TRIM37: variants seen among roughly 807,000 people sequenced by gnomAD.
TRIM37 encodes E3 ubiquitin-protein ligase TRIM37.
A neutral mutation model predicts 129.8 loss-of-function variants in TRIM37; 80 were observed. The ratio of observed to expected loss-of-function variants is 0.62; its 90% CI spans 0.51 to 0.74. TRIM37 has a LOEUF of 0.74. Among genes scored for constraint, TRIM37 ranks in the 30% least tolerant of loss-of-function variants. The probability of loss-of-function intolerance (pLI) is 0.00; values close to 1 mark genes in which losing one functional copy is unlikely to be tolerated. For missense variants in TRIM37, 1,054 were observed against 1,176.5 expected (o/e 0.90, Z 1.52); for synonymous variants, 389 against 387.1 (o/e 1.00, Z -0.06).
chr17:59,000,674 CTTGT>C (rs1167907609), intron 23 of TRIM37, among the ~76,000 whole-genome samples: 1 of 152,118 alleles, frequency 6.6e-6, no homozygotes, highest in Admixed American at 6.5e-5. Flanking sequence ...GTAGGTTTCT[CTTGT>C]TTTTTTCCTA....
intron 22 of TRIM37, among the ~76,000 whole-genome samples, chr17:59,004,460 A>C (rs2034206458): frequency 6.6e-6 from 1 of 152,084 alleles, no homozygotes; most frequent in African/African-American, 2.4e-5. Context: ...TAAAAAACAT[A>C]ATAAAATCAG....
chr17:59,038,565 C>A (rs1599067127), intron 17 of TRIM37, among the ~76,000 whole-genome samples: 1 of 152,246 alleles, frequency 6.6e-6, no homozygotes, highest in Non-Finnish European at 1.5e-5. Flanking sequence ...TAAAACTGTA[C>A]ACAGCTCAAG....
intron 17 of TRIM37, among the ~76,000 whole-genome samples, chr17:59,036,342 T>C (rs1245382382): frequency 6.6e-6 from 1 of 152,166 alleles, no homozygotes; most frequent in Admixed American, 6.5e-5. Context: ...AGACAATTTA[T>C]GTTAAAAAAA....
chr17:59,049,991 A>G (rs938252840), intron 14 of TRIM37, among the ~76,000 whole-genome samples: 2 of 152,210 alleles, frequency 1.3e-5, no homozygotes, highest in African/African-American at 4.8e-5. Flanking sequence ...AATCTCTGAA[A>G]GCATGTATTT....
intron 3 of TRIM37, 35 bp from the exon 4 acceptor site, chr17:59,088,442 G>A (rs1227024933): frequency 6.0e-6 from 7 of 1,161,760 alleles, no homozygotes; most frequent in Admixed American, 5.1e-5. Context: ...CACTAATTCA[G>A]GAATTTGAGA....
the TRIM37 span, among the ~76,000 whole-genome samples, chr17:58,968,667 A>G: frequency 6.6e-6 from 1 of 152,240 alleles, no homozygotes; most frequent in Non-Finnish European, 1.5e-5. Context: ...CTCAGGACTC[A>G]GTGCGAGTTC....
In TRIM37 at chr17:59,082,948, T is replaced by G. The variant is rs529837853; in HGVS notation, c.369+1054A>C. Among the ~76,000 whole-genome samples the G allele has an allele frequency of 1.1e-4, 17 of 152,288 alleles. No individual in the cohort carries two copies. In the South Asian group the frequency reaches 2.7e-3, roughly 24 times the overall value. ...CAGAAAGCTCTGAATTGAGCTCTAC[T>G]CAACCAATCTGGCCTGCCACTCTCT... is the stretch of plus-strand genomic sequence containing the variant. On this transcript the variant is annotated intron_variant, in intron 5 of 23. Transcript: ENST00000262294.
At chr17:59,053,573 T>A (rs995509932) in intron 13 of TRIM37, among the ~76,000 whole-genome samples, 24 of 152,154 alleles carry the variant, frequency 1.6e-4, no homozygotes, top group Admixed American at 1.6e-3. Context: ...TTAAAAAAAA[T>A]GATGTCATAA....
In TRIM37 at chr17:59,028,486, G is replaced by C; in HGVS notation, c.2186C>G (p.Ser729Cys). ...AALAACGTEN[S>C]GRLQDLGMEL... The stretch of plus-strand genomic sequence containing the variant: ...CATTCCCAAATCCTGCAATCTGCCA[G>C]AGTTTTCAGTTCCACATGCAGCCAG... The change falls in exon 19 of 24, where the codon TCT becomes TGT. Residue 729 changes from serine to cysteine, a missense_variant. Ser to Cys is a moderately radical substitution (Grantham distance 112, BLOSUM62 -1). Around this residue, in one of 3 missense-constraint regions of TRIM37, gnomAD observed 15 missense variants for 31.4 expected, o/e 0.48. Coordinates refer to ENST00000262294, the MANE Select transcript of TRIM37 (RefSeq NM_015294.6). The C allele has an allele frequency of 6.2e-7, 1 of 1,614,154 alleles. No homozygotes were observed. Among genetic ancestry groups the C allele is most frequent in the East Asian group, 2.2e-5 (1 of 44,886 alleles).
chr17:59,071,828 G>A (rs1444155331), intron 8 of TRIM37, among the ~76,000 whole-genome samples: 1 of 152,110 alleles, frequency 6.6e-6, no homozygotes, highest in Non-Finnish European at 1.5e-5. Flanking sequence ...TTCTGCCACT[G>A]ACTAATTACA....
At chr17:59,099,115 G>A (rs1158486746) in intron 2 of TRIM37, among the ~76,000 whole-genome samples, 2 of 152,078 alleles carry the variant, frequency 1.3e-5, no homozygotes, top group African/African-American at 2.4e-5. Flanking sequence ...CCTCGGAGGT[G>A]GAGGGTGTGG....
chr17:59,077,729 G>C (rs999571021), intron 7 of TRIM37, among the ~76,000 whole-genome samples: 3 of 142,582 alleles, frequency 2.1e-5, no homozygotes. Flanking sequence ...AGAATCTCTT[G>C]AACCTGGGAA....
At chr17:58,988,001 T>C (rs1300522578) in intron 24 of TRIM37, among the ~76,000 whole-genome samples, 1 of 152,234 alleles carries the variant, frequency 6.6e-6, no homozygotes, top group Non-Finnish European at 1.5e-5. Context: ...AGGACATTTT[T>C]TCGAATCCAT....
intron 2 of TRIM37, among the ~76,000 whole-genome samples, chr17:59,103,619 C>G (rs1228948489): frequency 6.7e-6 from 1 of 149,428 alleles, no homozygotes; most frequent in Non-Finnish European, 1.5e-5. Flanking sequence ...GGATTACAGG[C>G]CTGGGCCACC....
At chr17:59,045,046 G>A (rs2039632196) in intron 16 of TRIM37, among the ~76,000 whole-genome samples, 1 of 151,856 alleles carries the variant, frequency 6.6e-6, no homozygotes, top group South Asian at 2.1e-4. Flanking sequence ...AAAAAAAATT[G>A]CTGGGTGCCG....
chr17:59,058,108 T>C (rs890914721), intron 12 of TRIM37, among the ~76,000 whole-genome samples: 6 of 152,228 alleles, frequency 3.9e-5, no homozygotes, highest in Non-Finnish European at 4.4e-5. Context: ...TACTGTATTT[T>C]GCCAGTACAA....
intron 4 of TRIM37, among the ~76,000 whole-genome samples, chr17:59,085,802 TGA>T (rs751846498): frequency 3.9e-5 from 6 of 152,142 alleles, no homozygotes; most frequent in African/African-American, 9.7e-5. Context: ...CAATTTTCAC[TGA>T]GAGATGAATG....
At chr17:58,981,073 A>G, downstream of TRIM37, 2 of 1,364,356 alleles carry the variant, frequency 1.5e-6, no homozygotes, top group Admixed American at 2.2e-5. Context: ...CCCAATAAAA[A>G]TACCACTATC....
Position 58,999,141 on chromosome 17 carries a change from A to G in TRIM37, c.*236T>C. The G allele has an allele frequency of 5.9e-6, 8 of 1,347,742 alleles. No homozygotes were observed. Among genetic ancestry groups the G allele is most frequent in the Non-Finnish European group, 7.6e-6 (8 of 1,048,374 alleles). The allele number at this position is 1,347,742 out of a possible 1,614,324, so 83.5% of individuals were successfully genotyped here. Reference sequence around the variant, plus strand: ...AAATTTGCTAAATTAATAGAGAACTACATTGTTATTTCCTTACATTACAAA... The same window carrying G: ...AAATTTGCTAAATTAATAGAGAACTGCATTGTTATTTCCTTACATTACAAA... On this transcript the variant is annotated 3_prime_UTR_variant, in exon 24 of 24. Transcript: ENST00000262294.
Sources: gnomAD v4.1 joint callset for allele counts (sites outside exome capture counted in the v4.1 genomes callset) on GRCh38, gnomAD v4.1.1 for gene constraint, gnomAD v4.1.1 regional missense constraint, MANE v1.5 for transcripts, NCBI Gene and HGNC (gene_info 2026-07-23, HGNC 2026-07-21) for gene names.